EXT1: variants seen among roughly 807,000 people sequenced by gnomAD.
EXT1 encodes exostosin-1.
Under a neutral mutation model 82.5 loss-of-function variants are expected in EXT1, and 20 were observed. The ratio of observed to expected loss-of-function variants is 0.24; its 90% CI spans 0.17 to 0.35. EXT1 has a LOEUF of 0.35. EXT1 is among the 10% of genes least tolerant of loss of function. The pLI is 1.00. For missense variants in EXT1, 757 were observed against 936.5 expected, an observed-to-expected ratio of 0.81 and a Z score of 2.50; for synonymous variants, 348 against 350.8, an observed-to-expected ratio of 0.99 and a Z score of 0.09.
intron 1 of EXT1, among the ~76,000 whole-genome samples, chr8:117,852,131 A>C (rs1190852256): frequency 1.3e-5 from 2 of 152,190 alleles, no homozygotes; most frequent in Non-Finnish European, 2.9e-5. Flanking sequence ...ATTACACCTA[A>C]TTTGTCTAAA....
chr8:117,828,620 A>G (rs1334662332), intron 4 of EXT1, among the ~76,000 whole-genome samples: 20 of 152,202 alleles, frequency 1.3e-4, no homozygotes, highest in Admixed American at 1.3e-3. Context: ...TTAAAAAAGC[A>G]AAGGGTAACT....
chr8:118,073,737 T>G (rs1408343201), intron 1 of EXT1, among the ~76,000 whole-genome samples: 1 of 150,240 alleles, frequency 6.7e-6, no homozygotes, highest in Non-Finnish European at 1.5e-5. Context: ...CACAAATAAT[T>G]CCTTATGCAG....
intron 1 of EXT1, among the ~76,000 whole-genome samples, chr8:118,062,627 A>G (rs1816901454): frequency 6.6e-6 from 1 of 152,200 alleles, no homozygotes; most frequent in Non-Finnish European, 1.5e-5. Flanking sequence ...AAGGAACAGT[A>G]GTGGCAGTAA....
chr8:117,875,869 T>TA (rs1416539810), intron 1 of EXT1, among the ~76,000 whole-genome samples: 2 of 152,084 alleles, frequency 1.3e-5, no homozygotes, highest in Non-Finnish European at 2.9e-5. Flanking sequence ...CGTGGGTGCT[T>TA]ACTGCAGTGG....
At chr8:118,069,530 A>G (rs1817050493) in intron 1 of EXT1, among the ~76,000 whole-genome samples, 1 of 152,196 alleles carries the variant, frequency 6.6e-6, no homozygotes, top group Non-Finnish European at 1.5e-5. Context: ...ACACTTTGGC[A>G]AAGTGTAAGT....
At chr8:118,025,612 A>G (rs1816188682) in intron 1 of EXT1, among the ~76,000 whole-genome samples, 2 of 152,206 alleles carry the variant, frequency 1.3e-5, no homozygotes, top group Admixed American at 6.5e-5. Flanking sequence ...ACAAGACTGT[A>G]AAAGGAGAGT....
intron 1 of EXT1, among the ~76,000 whole-genome samples, chr8:117,969,809 C>T (rs1041506232): frequency 1.3e-5 from 2 of 152,222 alleles, no homozygotes; most frequent in African/African-American, 4.8e-5. Flanking sequence ...TGAAGAAATG[C>T]ACTTTTTCAA....
At chr8:117,861,029 A>G (rs1468984212) in intron 1 of EXT1, among the ~76,000 whole-genome samples, 5 of 152,342 alleles carry the variant, frequency 3.3e-5, no homozygotes, top group Non-Finnish European at 7.3e-5. Context: ...TCCAAACTCG[A>G]CACAGGACAT....
Position 117,858,766 on chromosome 8 carries a change from A to AGGCAGGC in EXT1, c.963-21566_963-21565insGCCTGCC, listed in dbSNP as rs1554581731. Among the ~76,000 whole-genome samples, 213 of 54,566 alleles carry AGGCAGGC rather than the reference A, an allele frequency of 3.9e-3. 2 individuals carry two copies. Among genetic ancestry groups the AGGCAGGC allele is most frequent in the East Asian group, 0.018 (28 of 1,530 alleles). 35.8% of individuals were successfully genotyped at this position (54,566 alleles called of 152,430 possible). A position where few individuals can be genotyped will look rare whatever the true frequency, so the allele number is the denominator to read the frequency against. On this transcript the variant is annotated intron_variant, in intron 1 of 10. Coordinates refer to ENST00000378204, the MANE Select transcript of EXT1 (RefSeq NM_000127.3). ...GAAGGAAGGAAGGAAGGAAGGAAGG[A>AGGCAGGC]AGGCAGGCAGGCAGGCAGGCAGGCA...
intron 1 of EXT1, among the ~76,000 whole-genome samples, chr8:118,069,179 C>A (rs1045052650): frequency 6.6e-6 from 1 of 152,236 alleles, no homozygotes; most frequent in Non-Finnish European, 1.5e-5. Flanking sequence ...CCACTTAGCT[C>A]TTTGCACTTG....
chr8:118,106,323 C>A (rs978680288), intron 1 of EXT1, among the ~76,000 whole-genome samples: 9 of 152,152 alleles, frequency 5.9e-5, no homozygotes, highest in Non-Finnish European at 1.2e-4. Context: ...TGAAAGACTG[C>A]AGATCAAGGC....
intron 1 of EXT1, among the ~76,000 whole-genome samples, chr8:117,838,429 A>C (rs569729396): frequency 6.6e-6 from 1 of 152,318 alleles, no homozygotes; most frequent in African/African-American, 2.4e-5. Flanking sequence ...TTTCAATTAT[A>C]AACCCGCCAT....
At chr8:118,051,201 G>A (rs1816711626) in intron 1 of EXT1, among the ~76,000 whole-genome samples, 1 of 151,966 alleles carries the variant, frequency 6.6e-6, no homozygotes, top group South Asian at 2.1e-4. Flanking sequence ...ACAGGGCACG[G>A]TGGCATGCCC....
intron 1 of EXT1, among the ~76,000 whole-genome samples, chr8:118,109,724 T>C (rs1461259440): frequency 3.3e-5 from 5 of 152,270 alleles, no homozygotes; most frequent in Non-Finnish European, 7.4e-5. Context: ...TCCGGGTCTC[T>C]AGATACCCTC....
chr8:117,969,682 G>GGT (rs950617303), intron 1 of EXT1, among the ~76,000 whole-genome samples: 51 of 152,164 alleles, frequency 3.4e-4, no homozygotes, highest in South Asian at 6.2e-4. Flanking sequence ...TGGTGGCAGT[G>GGT]GTGTGTGTGT....
intron 4 of EXT1, among the ~76,000 whole-genome samples, chr8:117,826,390 T>C (rs965644633): frequency 2.0e-5 from 3 of 152,184 alleles, no homozygotes; most frequent in Admixed American, 1.3e-4. Context: ...GTACAGAACA[T>C]CCTTAGCCCA....
chr8:117,871,065 C>T (rs567524443), intron 1 of EXT1, among the ~76,000 whole-genome samples: 15 of 152,274 alleles, frequency 9.9e-5, no homozygotes, highest in South Asian at 2.1e-4. Context: ...GTCCTGAGCA[C>T]AATCTTTGGC....
chr8:118,086,983 A>G (rs1423338971), intron 1 of EXT1, among the ~76,000 whole-genome samples: 1 of 152,222 alleles, frequency 6.6e-6, no homozygotes, highest in Non-Finnish European at 1.5e-5. Flanking sequence ...ACACAACCAC[A>G]TAAAACTGTC....
intron 1 of EXT1, among the ~76,000 whole-genome samples, chr8:118,039,016 C>A (rs759269236): frequency 6.6e-6 from 1 of 152,168 alleles, no homozygotes; most frequent in East Asian, 1.9e-4. Flanking sequence ...CCCACACAGA[C>A]GCACTCCAAC....
Sources: gnomAD v4.1 joint callset for allele counts (sites outside exome capture counted in the v4.1 genomes callset) on GRCh38, gnomAD v4.1.1 for gene constraint, MANE v1.5 for transcripts, NCBI Gene and HGNC (gene_info 2026-07-23, HGNC 2026-07-21) for gene names.